Variants in TMEM131 observed in about 807,000 individuals in gnomAD.
The protein encoded by TMEM131 is transmembrane protein 131.
A neutral mutation model predicts 211.6 loss-of-function variants in TMEM131; 66 were observed. The observed-to-expected ratio is 0.31, with a 90% CI of 0.26 to 0.38. TMEM131 has a LOEUF of 0.38. TMEM131 is among the 10% of genes least tolerant of loss of function. The probability of loss-of-function intolerance (pLI) is 1.00; values close to 1 mark genes in which losing one functional copy is unlikely to be tolerated. For missense variants in TMEM131, 2,036 were observed against 2,299.3 expected, an observed-to-expected ratio of 0.89 and a Z score of 2.34; for synonymous variants, 844 against 841.3, an observed-to-expected ratio of 1.00 and a Z score of -0.06.
chr2:97,961,265 T>C (rs1466070957), intron 1 of TMEM131, among the ~76,000 whole-genome samples: 1 of 152,150 alleles, frequency 6.6e-6, no homozygotes, highest in African/African-American at 2.4e-5. Flanking sequence ...TTTCATTGTA[T>C]TTGGAAAAAA....
chr2:97,793,398 C>T lies in TMEM131; in HGVS notation c.3542G>A (p.Gly1181Glu). ...TATTGCCAGCATGTGAACATACTTT[C>T]CTTCAGATGAAATACCAACGATTCT... ...LRRIVGISSEGNLNTLSCDPG... is the reference protein window; with the variant it reads ...LRRIVGISSEENLNTLSCDPG... The change falls in exon 30 of 41, where the codon GGA (glycine) becomes GAA (glutamate). Residue 1181 changes from glycine (G) to glutamate (E), a missense_variant. Physicochemically the swap from Gly to Glu is moderately conservative, Grantham distance 98 (BLOSUM62 -2). This residue lies in a region of TMEM131 where 1,623 missense variants were observed against 1,805.9 expected (regional missense o/e 0.90). Coordinates refer to ENST00000186436, the MANE Select transcript of TMEM131 (RefSeq NM_015348.2). The T allele has an allele frequency of 6.2e-7, 1 of 1,611,238 alleles. No homozygotes were observed. Among genetic ancestry groups the T allele is most frequent in the Non-Finnish European group, 8.5e-7 (1 of 1,178,076 alleles).
In TMEM131 at chr2:97,757,316, T is replaced by C. The variant is rs750510335; in HGVS notation, c.5435A>G (p.Asn1812Ser). The C allele has an allele frequency of 1.9e-6, 3 of 1,613,824 alleles. No individual in the cohort carries two copies. Among genetic ancestry groups the C allele is most frequent in the South Asian group, 1.1e-5 (1 of 91,068 alleles). The change falls in exon 41 of 41, where the codon AAC becomes AGC. Residue 1812 changes from asparagine (N) to serine (S), a missense_variant. Physicochemically the swap from Asn to Ser is conservative, Grantham distance 46 (BLOSUM62 1). This residue lies in a region of TMEM131 where 1,623 missense variants were observed against 1,805.9 expected (regional missense o/e 0.90). Transcript: ENST00000186436. ...TPFSSSIWSS[N>S]LSSALPFTTP... ...GGTGAAGGGAAGGGCGCTGCTAAGGTTGCTGGACCAAATGGAGCTGCTGAA... is the reference window on the plus strand; with the variant it reads ...GGTGAAGGGAAGGGCGCTGCTAAGGCTGCTGGACCAAATGGAGCTGCTGAA...
chr2:97,822,819 T>C (rs1020709700), intron 11 of TMEM131, among the ~76,000 whole-genome samples: 2 of 152,032 alleles, frequency 1.3e-5, no homozygotes, highest in East Asian at 1.9e-4. Flanking sequence ...GTCTTTCAGA[T>C]GGGAAACACT....
At chr2:97,866,382 T>C (rs1674272922) in intron 4 of TMEM131, among the ~76,000 whole-genome samples, 1 of 152,266 alleles carries the variant, frequency 6.6e-6, no homozygotes, top group African/African-American at 2.4e-5. Context: ...GACAGTAATG[T>C]CACCTCCTAC....
intron 11 of TMEM131, among the ~76,000 whole-genome samples, chr2:97,824,150 A>G (rs1397266843): frequency 6.6e-6 from 1 of 152,212 alleles, no homozygotes; most frequent in Non-Finnish European, 1.5e-5. Flanking sequence ...TGTCCAATGA[A>G]AAATAAGCCA....
Position 97,942,998 on chromosome 2 carries a change from G to GA in TMEM131, c.188-15512dup, listed in dbSNP as rs1553617774. ...AAAGAAAGAAAGAAAAGAAAGAAAA[G>GA]AAAGAAAAGAAAGAAAAGAAAAGAA... On this transcript the variant is annotated intron_variant, in intron 1 of 40. Coordinates refer to ENST00000186436, the MANE Select transcript of TMEM131 (RefSeq NM_015348.2). Among the ~76,000 whole-genome samples the GA allele has an allele frequency of 4.0e-3, 135 of 34,022 alleles. 7 individuals carry two copies. Among genetic ancestry groups the GA allele is most frequent in the Admixed American group, 0.021 (84 of 4,022 alleles). 22.3% of individuals were successfully genotyped at this position (34,022 alleles called of 152,430 possible).
chr2:97,830,387 C>T (rs567839135), intron 11 of TMEM131, among the ~76,000 whole-genome samples: 37 of 152,264 alleles, frequency 2.4e-4, no homozygotes, highest in African/African-American at 8.7e-4. Flanking sequence ...AAAGGCAGTT[C>T]GCAAGCTTGC....
intron 5 of TMEM131, among the ~76,000 whole-genome samples, chr2:97,853,565 C>T (rs1673714614): frequency 6.7e-6 from 1 of 149,192 alleles, no homozygotes; most frequent in Non-Finnish European, 1.5e-5. Context: ...AAGATTGTGC[C>T]AGTGCACTCC....
chr2:97,839,156 C>T (rs935383976), intron 7 of TMEM131, among the ~76,000 whole-genome samples: 8 of 152,096 alleles, frequency 5.3e-5, no homozygotes, highest in Non-Finnish European at 1.2e-4. Context: ...GAGAGTCTGT[C>T]TCTACAAAAA....
At chr2:97,922,594 T>A (rs1676790425) in intron 2 of TMEM131, among the ~76,000 whole-genome samples, 1 of 151,670 alleles carries the variant, frequency 6.6e-6, no homozygotes, top group East Asian at 1.9e-4. Context: ...CTTAGAAACA[T>A]AATGCTGAGA....
intron 31 of TMEM131, among the ~76,000 whole-genome samples, chr2:97,780,545 T>C (rs1022907707): frequency 6.6e-6 from 1 of 152,206 alleles, no homozygotes; most frequent in African/African-American, 2.4e-5. Context: ...TTCTACAGGA[T>C]AAAGTTCAAA....
chr2:97,790,858 T>C (rs1440673771), intron 31 of TMEM131, among the ~76,000 whole-genome samples: 1 of 152,238 alleles, frequency 6.6e-6, no homozygotes, highest in East Asian at 1.9e-4. Context: ...GACATCTTAC[T>C]GTTTTACAAA....
intron 30 of TMEM131, 92 bp downstream of exon 30, chr2:97,793,303 G>T: frequency 1.5e-6 from 2 of 1,361,116 alleles, no homozygotes; most frequent in South Asian, 2.9e-5. Context: ...TTTTTCTCCT[G>T]AGCAAAGATG....
chr2:97,885,394 C>G (rs971867032), intron 4 of TMEM131, among the ~76,000 whole-genome samples: 3 of 146,252 alleles, frequency 2.1e-5, no homozygotes, highest in South Asian at 4.2e-4. Context: ...CGGGGTTTCA[C>G]CATGTTAGCC....
chr2:97,891,402 AAAGC>A (rs1407226108), intron 3 of TMEM131, among the ~76,000 whole-genome samples: 1 of 152,178 alleles, frequency 6.6e-6, no homozygotes, highest in African/African-American at 2.4e-5. Context: ...TGACAATTTC[AAAGC>A]AACAAAATCT....
Position 97,825,002 on chromosome 2 carries a change from T to C in TMEM131, c.1075-6281A>G, listed in dbSNP as rs375320182. Among the ~76,000 whole-genome samples the C allele has an allele frequency of 7.8e-4, 119 of 152,340 alleles. 2 individuals carry two copies. In the South Asian group the frequency reaches 0.024, roughly 31 times the overall value. The stretch of plus-strand genomic sequence containing the variant: ...CTCTCAAATACCAGAGAAAGCAGAA[T>C]GGTTCACTGTTCTGGACCTCAAGAA... On this transcript the variant is annotated intron_variant, in intron 11 of 40. Transcript: ENST00000186436.
chr2:97,780,382 G>A (rs550243670), intron 31 of TMEM131, among the ~76,000 whole-genome samples: 62 of 152,248 alleles, frequency 4.1e-4, no homozygotes, highest in Non-Finnish European at 7.9e-4. Flanking sequence ...GCTTCCTCAA[G>A]TGTTGCCTGG....
intron 1 of TMEM131, among the ~76,000 whole-genome samples, chr2:97,940,927 C>G (rs1677694974): frequency 1.3e-5 from 2 of 152,144 alleles, no homozygotes. Context: ...CAATGCCATC[C>G]CCATCAAGCT....
rs1678528291 is a variant in TMEM131, at chr2:97,757,094, T to C, written c.*5A>G. 1 of 1,576,960 alleles carries C rather than the reference T, an allele frequency of 6.3e-7. No individual in the cohort carries two copies. The highest frequency in any genetic ancestry group is 8.6e-7 in the Non-Finnish European group (1 of 1,157,986). ...CCCACTATGTTTGTTTGTTTTTTGC[T>C]TAATTTAATTCTCGTGAGGAAAGTG... is the stretch of plus-strand genomic sequence containing the variant. On this transcript the variant is annotated 3_prime_UTR_variant, in exon 41 of 41. Transcript: ENST00000186436.
Sources: allele counts gnomAD v4.1 joint callset (sites outside exome capture counted in the v4.1 genomes callset), GRCh38; gene constraint gnomAD v4.1.1; regional missense constraint gnomAD v4.1.1; transcripts MANE v1.5; gene names NCBI Gene and HGNC (gene_info 2026-07-23, HGNC 2026-07-21).